Variants in TSC22D1 observed in about 807,000 individuals in gnomAD.
TSC22D1 encodes TSC22 domain family member 1, also known as TSC22 domain family protein 1.
A neutral mutation model predicts 74.2 loss-of-function variants in TSC22D1; 9 were observed. The observed-to-expected ratio is 0.12, with a 90% confidence interval of 0.07 to 0.21. TSC22D1 has a LOEUF of 0.21. TSC22D1 is among the 10% of genes least tolerant of loss of function. The pLI is 1.00. For missense variants in TSC22D1, 1,427 were observed against 1,304.7 expected (o/e 1.09, Z -1.44); for synonymous variants, 586 against 492.5 (o/e 1.19, Z -2.51).
intron 1 of TSC22D1, among the ~76,000 whole-genome samples, chr13:44,532,848 T>C (rs1435252049): frequency 6.6e-6 from 1 of 152,142 alleles, no homozygotes; most frequent in Non-Finnish European, 1.5e-5. Flanking sequence ...ACTTAATATG[T>C]AGAAGACTTG....
At chr13:44,491,546 T>C (rs1878721777) in intron 1 of TSC22D1, among the ~76,000 whole-genome samples, 1 of 138,268 alleles carries the variant, frequency 7.2e-6, no homozygotes, top group Admixed American at 7.6e-5. Context: ...AAAGCGAGAC[T>C]CCGTCTCAAA....
In TSC22D1 at chr13:44,434,602, C is replaced by T. The variant is rs777002122; in HGVS notation, c.*24G>A. 1 of 1,513,692 alleles carries T rather than the reference C, an allele frequency of 6.6e-7. No homozygotes were observed. Among genetic ancestry groups the T allele is most frequent in the South Asian group, 1.3e-5 (1 of 74,424 alleles). The allele number at this position is 1,513,692 out of a possible 1,614,324, so 93.8% of individuals were successfully genotyped here. A position where few individuals can be genotyped will look rare whatever the true frequency, so the allele number is the denominator to read the frequency against. ...CGTCTGTTCAGTTCACACGCAGCAG[C>T]CAGTTCTGCGGGGGCATAGGCAGCT... On this transcript the variant is annotated 3_prime_UTR_variant, in exon 3 of 3. Coordinates refer to ENST00000458659, the MANE Select transcript of TSC22D1 (RefSeq NM_183422.4).
chr13:44,547,602 C>G (rs2138129196), intron 1 of TSC22D1, among the ~76,000 whole-genome samples: 1 of 152,234 alleles, frequency 6.6e-6, no homozygotes, highest in East Asian at 1.9e-4. Context: ...AAAATTTTCG[C>G]AGGAAATAGA....
Position 44,433,827 on chromosome 13 carries a change from G to T in TSC22D1, c.*799C>A. On this transcript the variant is annotated 3_prime_UTR_variant, in exon 3 of 3. Coordinates refer to ENST00000458659, the MANE Select transcript of TSC22D1 (RefSeq NM_183422.4). ...AATTCTTAAAATTTCTTTAGGTGTGGTTTTTGTCATGTAGCAGTTTTTATG... is the reference window on the plus strand; with the variant it reads ...AATTCTTAAAATTTCTTTAGGTGTGTTTTTTGTCATGTAGCAGTTTTTATG... 2 of 657,418 alleles carry T rather than the reference G, an allele frequency of 3.0e-6. No individual in the cohort carries two copies. The highest frequency in any genetic ancestry group is 4.7e-6 in the Non-Finnish European group (2 of 426,940). 40.7% of individuals were successfully genotyped at this position (657,418 alleles called of 1,614,324 possible).
intron 1 of TSC22D1, chr13:44,538,171 A>T (rs1283239424): frequency 1.4e-5 from 14 of 985,162 alleles, no homozygotes; most frequent in Non-Finnish European, 1.7e-5. Context: ...AAACTTTAGA[A>T]TGCCTTCAGT....
At chr13:44,476,860 G>A (rs1877941421) in intron 1 of TSC22D1, among the ~76,000 whole-genome samples, 1 of 152,054 alleles carries the variant, frequency 6.6e-6, no homozygotes, top group South Asian at 2.1e-4. Flanking sequence ...AGAGATGGGG[G>A]TCTTGATATG....
At chr13:44,447,262 G>A (rs146598872) in intron 1 of TSC22D1, among the ~76,000 whole-genome samples, 1 of 151,716 alleles carries the variant, frequency 6.6e-6, no homozygotes, top group Non-Finnish European at 1.5e-5. Context: ...GAGATTATAG[G>A]CGTGAGCCAC....
intron 1 of TSC22D1, chr13:44,474,386 G>T: frequency 5.5e-6 from 2 of 365,712 alleles, no homozygotes; most frequent in Non-Finnish European, 7.6e-6. Context: ...TCTACTTAAA[G>T]GGGCAGTGGT....
chr13:44,448,291 T>C (rs954685430), intron 1 of TSC22D1, among the ~76,000 whole-genome samples: 1 of 152,158 alleles, frequency 6.6e-6, no homozygotes, highest in Non-Finnish European at 1.5e-5. Context: ...TTTAAGCTAA[T>C]TTTCCTGTTA....
At chr13:44,436,472 A>C (rs1488146803) in intron 1 of TSC22D1, 1 of 1,608,030 alleles carries the variant, frequency 6.2e-7, no homozygotes, top group Admixed American at 1.7e-5. Flanking sequence ...CCCACGAATA[A>C]ATTTAAAGAA....
intron 1 of TSC22D1, among the ~76,000 whole-genome samples, chr13:44,483,399 A>G (rs1207577486): frequency 1.3e-5 from 2 of 152,192 alleles, no homozygotes; most frequent in South Asian, 2.1e-4. Flanking sequence ...CGGTGGCTCA[A>G]GCCTGTAATC....
At chr13:44,542,456 T>A (rs1453537706) in intron 1 of TSC22D1, among the ~76,000 whole-genome samples, 3 of 152,028 alleles carry the variant, frequency 2.0e-5, no homozygotes, top group Non-Finnish European at 1.5e-5. Context: ...ATAATATAGA[T>A]AAAAAGTACA....
intron 1 of TSC22D1, among the ~76,000 whole-genome samples, chr13:44,446,742 GAAAA>G (rs375153995): frequency 1.2e-5 from 1 of 84,346 alleles, no homozygotes; most frequent in African/African-American, 4.6e-5. Context: ...TGGGAAGAAT[GAAAA>G]AAAAAAAAGA....
intron 1 of TSC22D1, chr13:44,436,321 G>T (rs1271196853): frequency 2.1e-6 from 2 of 942,732 alleles, no homozygotes; most frequent in African/African-American, 3.3e-5. Context: ...TACATAATGT[G>T]GGGAAAGCCT....
rs1880276166 is a variant in TSC22D1 at position 44,520,754 on chromosome 13, T to C, written c.2912+52409A>G. 2.6e-5 allele frequency among the ~76,000 whole-genome samples: 4 copies of C among 152,236 alleles called. No homozygotes were observed. In the South Asian group the frequency reaches 8.3e-4, roughly 31 times the overall value. ...TCAGAATGAAGGATATCCCATCTGA[T>C]GGTTTCTAATTTCTCTGTAAGGTTG... is the stretch of plus-strand genomic sequence containing the variant. On this transcript the variant is annotated intron_variant, in intron 1 of 2. Coordinates refer to ENST00000458659, the MANE Select transcript of TSC22D1 (RefSeq NM_183422.4).
rs1444266694 is a variant in TSC22D1, at chr13:44,558,395, C to T, written c.2912+14768G>A. Among the ~76,000 whole-genome samples the T allele has an allele frequency of 2.0e-5, 3 of 152,128 alleles. No homozygotes were observed. In the East Asian group the frequency reaches 5.8e-4, roughly 29 times the overall value. On this transcript the variant is annotated intron_variant, in intron 1 of 2. Transcript: ENST00000458659. Reference sequence around the variant, plus strand: ...GGTCTCCCATGAATTTATTATCAATCTTATACAAGCTTACAAAAAAGAGGA... The same window carrying T: ...GGTCTCCCATGAATTTATTATCAATTTTATACAAGCTTACAAAAAAGAGGA...
At chr13:44,461,176 T>C (rs186685848) in intron 1 of TSC22D1, among the ~76,000 whole-genome samples, 2 of 152,348 alleles carry the variant, frequency 1.3e-5, no homozygotes, top group Admixed American at 6.5e-5. Context: ...TCTATTATCA[T>C]TGCATATACA....
intron 1 of TSC22D1, among the ~76,000 whole-genome samples, chr13:44,442,873 C>T (rs1469682006): frequency 2.1e-5 from 3 of 144,326 alleles, no homozygotes; most frequent in African/African-American, 7.8e-5. Context: ...TGCGCCACTG[C>T]ACTCCAGCCT....
chr13:44,455,218 T>A (rs1361469774), intron 1 of TSC22D1, among the ~76,000 whole-genome samples: 2 of 152,142 alleles, frequency 1.3e-5, no homozygotes, highest in African/African-American at 4.8e-5. Flanking sequence ...GAAAATGAGT[T>A]TTGAGTAAAG....
Sources: allele counts gnomAD v4.1 joint callset (sites outside exome capture counted in the v4.1 genomes callset), GRCh38; gene constraint gnomAD v4.1.1; transcripts MANE v1.5; gene names NCBI Gene and HGNC (gene_info 2026-07-23, HGNC 2026-07-21).